CFAP47: variants seen among roughly 807,000 people sequenced by gnomAD.
The protein encoded by CFAP47 is cilia and flagella associated protein 47.
In CFAP47, 29 loss-of-function variants were observed where a neutral mutation model predicts 148.1. The observed-to-expected ratio is 0.20, with a 90% CI of 0.15 to 0.27. The LOEUF (loss-of-function observed/expected upper bound fraction) is 0.27. Among genes scored for constraint, CFAP47 ranks in the 10% least tolerant of loss-of-function variants. The pLI is 1.00. For missense variants in CFAP47, 1,872 were observed against 1,697.5 expected (o/e 1.10, Z -1.81); for synonymous variants, 664 against 577.3 (o/e 1.15, Z -2.15).
Position 35,926,108 on chromosome X carries a change from A to G in CFAP47, c.341A>G (p.Asp114Gly), listed in dbSNP as rs1935736502. The G allele has an allele frequency of 8.3e-7, 1 of 1,206,045 alleles. No homozygotes were observed. Among genetic ancestry groups the G allele is most frequent in the African/African-American group, 1.7e-5 (1 of 57,777 alleles). ...GAATATCATCCTGATAAAGACGAAG[A>G]CACTTTTGACCGGCTACTTATTTCA... is the stretch of plus-strand genomic sequence containing the variant. ...MVEYHPDKDE[D>G]TFDRLLISIE... is the part of the protein sequence containing the mutation. The change falls in exon 2 of 64, where the codon GAC becomes GGC. Residue 114 changes from aspartate to glycine, a missense_variant. Transcript: ENST00000378653.
chrX:36,287,282 C>T (rs1276712992), intron 51 of CFAP47, among the ~76,000 whole-genome samples: 2 of 111,089 alleles, frequency 1.8e-5, no homozygotes, highest in Non-Finnish European at 1.9e-5. Context: ...GGACTTGCCC[C>T]TCCCCATGTA....
intron 15 of CFAP47, among the ~76,000 whole-genome samples, chrX:35,983,690 T>C (rs1936676683): frequency 9.2e-6 from 1 of 108,510 alleles, no homozygotes; most frequent in Non-Finnish European, 1.9e-5. Flanking sequence ...TGGAATTATA[T>C]TGAAAGCCTT....
intron 26 of CFAP47, among the ~76,000 whole-genome samples, chrX:36,058,240 G>GT (rs1320801854): frequency 9.0e-6 from 1 of 111,637 alleles, no homozygotes; most frequent in East Asian, 2.8e-4. Context: ...TTTATTACCT[G>GT]TTTTTTGAGA....
rs1356578021 is a variant in CFAP47, at chrX:36,029,576, A to G, written c.3557-1677A>G. Among the ~76,000 whole-genome samples, 3 of 110,352 alleles carry G rather than the reference A, an allele frequency of 2.7e-5. No homozygotes were observed. In the Admixed American group the frequency reaches 2.9e-4, roughly 11 times the overall value. On this transcript the variant is annotated intron_variant, in intron 22 of 63. Transcript: ENST00000378653. ...TAACCCACAGGTTTTGATCTTCACT[A>G]TTGTGTTCCATTTTTGTGTTCTTTC...
At chrX:36,155,601 C>A (rs1180727563) in intron 37 of CFAP47, among the ~76,000 whole-genome samples, 2 of 110,908 alleles carry the variant, frequency 1.8e-5, no homozygotes, top group Non-Finnish European at 3.8e-5. Flanking sequence ...TTTCAGATGC[C>A]ATTGTGGTTT....
At chrX:36,158,484 C>G (rs919307647) in intron 37 of CFAP47, among the ~76,000 whole-genome samples, 2 of 111,783 alleles carry the variant, frequency 1.8e-5, no homozygotes, top group Non-Finnish European at 3.8e-5. Context: ...AGGGCAATAT[C>G]AAAATAAAAG....
intron 49 of CFAP47, among the ~76,000 whole-genome samples, chrX:36,263,393 C>CT (rs1940853062): frequency 8.9e-6 from 1 of 112,068 alleles, no homozygotes; most frequent in East Asian, 2.8e-4. Context: ...GTTAAAACTG[C>CT]TTGGTTTCTG....
intron 19 of CFAP47, among the ~76,000 whole-genome samples, chrX:35,999,906 G>A (rs1160147718): frequency 8.9e-6 from 1 of 111,909 alleles, no homozygotes; most frequent in East Asian, 2.8e-4. Context: ...CCTGTAGATT[G>A]TGAGAAACCA....
intron 25 of CFAP47, among the ~76,000 whole-genome samples, chrX:36,045,391 A>C (rs1937453261): frequency 9.0e-6 from 1 of 111,177 alleles, no homozygotes; most frequent in Admixed American, 9.6e-5. Flanking sequence ...AAGCAGAACA[A>C]GTTTTGCCCC....
intron 63 of CFAP47, among the ~76,000 whole-genome samples, chrX:36,381,130 AAT>A (rs1556024074): frequency 8.9e-6 from 1 of 111,886 alleles, no homozygotes; most frequent in African/African-American, 3.2e-5. Flanking sequence ...TGTGTGTAGA[AAT>A]AGAGAGCATA....
At chrX:36,267,962 AG>A (rs1448277940) in intron 49 of CFAP47, among the ~76,000 whole-genome samples, 1 of 112,836 alleles carries the variant, frequency 8.9e-6, no homozygotes, top group Non-Finnish European at 1.9e-5. Flanking sequence ...CTATTACCCT[AG>A]AGGGTTTGTG....
intron 2 of CFAP47, among the ~76,000 whole-genome samples, chrX:35,927,255 C>T (rs1377368700): frequency 1.8e-5 from 2 of 111,059 alleles, no homozygotes; most frequent in Non-Finnish European, 1.9e-5. Flanking sequence ...TCTGATTTAG[C>T]ACATCATCCC....
At chrX:35,950,229 C>T (rs1199867724) in intron 4 of CFAP47, among the ~76,000 whole-genome samples, 1 of 111,518 alleles carries the variant, frequency 9.0e-6, no homozygotes, top group Non-Finnish European at 1.9e-5. Context: ...TCTGTGGTAT[C>T]TGATGGGCCT....
intron 1 of CFAP47, among the ~76,000 whole-genome samples, chrX:35,922,298 C>A (rs1305827112): frequency 2.7e-5 from 3 of 112,294 alleles, no homozygotes; most frequent in African/African-American, 9.7e-5. Context: ...TTATTTCTGT[C>A]TTACTGGATA....
rs1247604174 is a variant in CFAP47, at chrX:36,039,244, A to G, written c.4007+65A>G. On this transcript the variant is annotated intron_variant, in intron 25 of 63. Transcript: ENST00000378653. ...GCTTTTTTGTTTGTTTCTGTGTTATATAAGAATTATATAAGAATGGCTTGT... is the reference window on the plus strand; with the variant it reads ...GCTTTTTTGTTTGTTTCTGTGTTATGTAAGAATTATATAAGAATGGCTTGT... The G allele has an allele frequency of 1.5e-5, 7 of 481,067 alleles. No individual in the cohort carries two copies. The East Asian group carries it at 1.8e-4, about 12-fold the overall frequency. The allele number at this position is 481,067 out of a possible 1,213,427, so 39.6% of individuals were successfully genotyped here.
rs181592028 is a variant in CFAP47, at chrX:35,924,297, A to G, written c.250-1720A>G. 5.2e-3 allele frequency among the ~76,000 whole-genome samples: 552 copies of G among 106,132 alleles called. 5 individuals carry two copies. The highest frequency in any genetic ancestry group is 8.4e-3 in the Non-Finnish European group (434 of 51,823). The allele number at this position is 106,132 out of a possible 115,157, so 92.2% of individuals were successfully genotyped here. A position where few individuals can be genotyped will look rare whatever the true frequency, so the allele number is the denominator to read the frequency against. ...TATGTGTATATGTACATGTATGTGT[A>G]CACATATGTATATATGTACATGTAT... is the stretch of plus-strand genomic sequence containing the variant. On this transcript the variant is annotated intron_variant, in intron 1 of 63. Coordinates refer to ENST00000378653, the MANE Select transcript of CFAP47 (RefSeq NM_001304548.2).
intron 63 of CFAP47, among the ~76,000 whole-genome samples, chrX:36,381,889 A>G (rs1942081570): frequency 9.0e-6 from 1 of 110,572 alleles, no homozygotes; most frequent in Non-Finnish European, 1.9e-5. Flanking sequence ...TTGATAATAT[A>G]TAAGTAATAT....
chrX:35,984,441 T>C (rs947936076), intron 15 of CFAP47, among the ~76,000 whole-genome samples: 4 of 111,355 alleles, frequency 3.6e-5, no homozygotes, highest in Admixed American at 2.9e-4. Context: ...TGGTTTTCCA[T>C]GTCTCAATTT....
intron 26 of CFAP47, among the ~76,000 whole-genome samples, chrX:36,058,282 G>T (rs1937570015): frequency 9.0e-6 from 1 of 111,404 alleles, no homozygotes; most frequent in African/African-American, 3.3e-5. Context: ...TATAAATTCA[G>T]ATAAACTCTA....
Sources: gnomAD v4.1 joint callset for allele counts (sites outside exome capture counted in the v4.1 genomes callset) on GRCh38, gnomAD v4.1.1 for gene constraint, MANE v1.5 for transcripts, NCBI Gene and HGNC (gene_info 2026-07-23, HGNC 2026-07-21) for gene names.